The following MON2 variants were observed in gnomAD, a reference collection of about 807,000 sequenced individuals.
The protein encoded by MON2 is MON2 regulator of endosome-to-Golgi trafficking.
A neutral mutation model predicts 208.6 loss-of-function variants in MON2; 84 were observed. That is an observed-to-expected ratio of 0.40 (90% CI 0.34 to 0.48). MON2 has a LOEUF of 0.48. Among genes scored for constraint, MON2 ranks in the 20% least tolerant of loss-of-function variants. The pLI is 0.59. For synonymous variants in MON2, 660 were observed against 694.0 expected (o/e 0.95, Z 0.77); for missense variants, 1,611 against 2,015.4 (o/e 0.80, Z 3.84).
rs549854839 is a variant in MON2 at position 62,577,033 on chromosome 12, T to C, written c.4515-1412T>C. Among the ~76,000 whole-genome samples the C allele has an allele frequency of 8.5e-5, 13 of 152,096 alleles. No homozygotes were observed. The South Asian group carries it at 2.5e-3, about 29-fold the overall frequency. Reference sequence around the variant, plus strand: ...TATTTTATTATTTTTGCCTCTTCATTTTTTGTTGATCATCAACTCATCCTT... The same window carrying C: ...TATTTTATTATTTTTGCCTCTTCATCTTTTGTTGATCATCAACTCATCCTT... On this transcript the variant is annotated intron_variant, in intron 30 of 34. Coordinates refer to ENST00000393630, the MANE Select transcript of MON2 (RefSeq NM_015026.3).
chr12:62,588,749 G>T, intron 34 of MON2: 3 of 587,960 alleles, frequency 5.1e-6, no homozygotes, highest in Non-Finnish European at 8.5e-6. Flanking sequence ...CTCCATTCTA[G>T]TCACACTTTA....
rs770930882 is a variant in MON2 at position 62,598,724 on chromosome 12, G to C, written c.*5975G>C. ...TCTTTCTCCTTACAATTTTTATGTT[G>C]TTGAGATGTATCAGTTATGTATTAT... On this transcript the variant is annotated 3_prime_UTR_variant, in exon 35 of 35. Coordinates refer to ENST00000393630, the MANE Select transcript of MON2 (RefSeq NM_015026.3). The C allele has an allele frequency of 7.9e-5, 12 of 152,094 alleles. No homozygotes were observed. 9.4% of individuals were successfully genotyped at this position (152,094 alleles called of 1,614,324 possible).
At chr12:62,468,181 C>G (rs527309304) in intron 1 of MON2, among the ~76,000 whole-genome samples, 2 of 151,096 alleles carry the variant, frequency 1.3e-5, no homozygotes, top group Non-Finnish European at 2.9e-5. Context: ...ACAAAAAAAC[C>G]CACCAAAAAC....
chr12:62,588,687 A>G (rs1242806411), intron 34 of MON2, among the ~76,000 whole-genome samples: 3 of 152,158 alleles, frequency 2.0e-5, no homozygotes, highest in African/African-American at 4.8e-5. Flanking sequence ...AAGCAAAAAA[A>G]TATTTTTCAT....
At chr12:62,581,626 A>G (rs939174289) in intron 32 of MON2, among the ~76,000 whole-genome samples, 1 of 152,188 alleles carries the variant, frequency 6.6e-6, no homozygotes, top group African/African-American at 2.4e-5. Context: ...ACTTAAGGTC[A>G]GGAGTTCAAG....
intron 32 of MON2, 28 bp downstream of exon 32, chr12:62,580,448 A>C (rs2136454673): frequency 1.3e-6 from 2 of 1,542,542 alleles, no homozygotes. Flanking sequence ...AGTATTAAAA[A>C]GTATTGAAGT....
Position 62,596,186 on chromosome 12 carries a change from A to G in MON2, c.*3437A>G, listed in dbSNP as rs2075524462. The G allele has an allele frequency of 6.6e-6, 1 of 152,228 alleles. No homozygotes were observed. The highest frequency in any genetic ancestry group is 1.5e-5 in the Non-Finnish European group (1 of 68,040). The allele number at this position is 152,228 out of a possible 1,614,324, so 9.4% of individuals were successfully genotyped here. The stretch of plus-strand genomic sequence containing the variant: ...TGGAACAGTGTTAGAAAACAACTCA[A>G]AAGTATATTCTTTATTAATGAGGTG... On this transcript the variant is annotated 3_prime_UTR_variant, in exon 35 of 35. Coordinates refer to ENST00000393630, the MANE Select transcript of MON2 (RefSeq NM_015026.3).
chr12:62,565,453 G>A, intron 27 of MON2, 73 bp downstream of exon 27: 1 of 1,281,130 alleles, frequency 7.8e-7, no homozygotes, highest in African/African-American at 1.5e-5. Flanking sequence ...CACTTAAGAT[G>A]GACTTTGATT....
At chr12:62,539,170 A>G (rs1028076673) in intron 19 of MON2, among the ~76,000 whole-genome samples, 1 of 152,198 alleles carries the variant, frequency 6.6e-6, no homozygotes, top group Non-Finnish European at 1.5e-5. Context: ...CTATTTACAA[A>G]TAAGTGAAAA....
Position 62,560,836 on chromosome 12 carries a change from C to T in MON2, c.3755C>T (p.Ser1252Phe). 1 of 1,614,092 alleles carries T rather than the reference C, an allele frequency of 6.2e-7. No homozygotes were observed. Among genetic ancestry groups the T allele is most frequent in the Non-Finnish European group, 8.5e-7 (1 of 1,179,990 alleles). Reference sequence around the variant, plus strand: ...TGGAATACCTGGTATAGAATTGGATCTGAAAGTACTAAGCCTCCTATTACT... The same window carrying T: ...TGGAATACCTGGTATAGAATTGGATTTGAAAGTACTAAGCCTCCTATTACT... ...AAWNTWYRIGSESTKPPITFD... is the reference protein window; with the variant it reads ...AAWNTWYRIGFESTKPPITFD... The change falls in exon 26 of 35, where the codon TCT (serine) becomes TTT (phenylalanine). Residue 1252 changes from serine to phenylalanine, a missense_variant. Transcript: ENST00000393630.
chr12:62,466,879 G>A lies in MON2; in HGVS notation c.-329G>A. On this transcript the variant is annotated 5_prime_UTR_variant, in exon 1 of 35. Transcript: ENST00000393630. ...AGGGGCCTGGGGAGCTGGCGCTGAA[G>A]CTTCTTGCCAGGTTGGCTGGTGACA... is the stretch of plus-strand genomic sequence containing the variant. 2.2e-6 allele frequency: 1 copy of A among 460,538 alleles called. No homozygotes were observed. Among genetic ancestry groups the A allele is most frequent in the Non-Finnish European group, 3.8e-6 (1 of 259,998 alleles). 28.5% of individuals were successfully genotyped at this position (460,538 alleles called of 1,614,324 possible). A position where few individuals can be genotyped will look rare whatever the true frequency, so the allele number is the denominator to read the frequency against.
In MON2 at chr12:62,566,408, C is replaced by G. The variant is rs1314532828; in HGVS notation, c.4281C>G (p.His1427Gln). 6.2e-7 allele frequency: 1 copy of G among 1,613,578 alleles called. No homozygotes were observed. Among genetic ancestry groups the G allele is most frequent in the South Asian group, 1.1e-5 (1 of 91,048 alleles). The stretch of plus-strand genomic sequence containing the variant: ...ATTTATACCAAAAAACAGCGTGTCA[C>G]AAAGCAGTGGTGAATGAGAAAGTGC... ...VVDLYQKTACHKAVVNEKVLQ... is the reference protein window; with the variant it reads ...VVDLYQKTACQKAVVNEKVLQ... The change falls in exon 29 of 35, where the codon CAC becomes CAG. Residue 1427 changes from histidine (H) to glutamine (Q), a missense_variant. Coordinates refer to ENST00000393630, the MANE Select transcript of MON2 (RefSeq NM_015026.3).
intron 8 of MON2, among the ~76,000 whole-genome samples, chr12:62,519,885 G>C (rs2071920372): frequency 6.6e-6 from 1 of 152,196 alleles, no homozygotes; most frequent in African/African-American, 2.4e-5. Flanking sequence ...GCGTGATCTC[G>C]GCTCACTGTA....
intron 8 of MON2, among the ~76,000 whole-genome samples, chr12:62,513,164 C>A (rs1423461869): frequency 1.3e-5 from 2 of 152,206 alleles, no homozygotes; most frequent in Non-Finnish European, 2.9e-5. Flanking sequence ...ACATTCAGCT[C>A]CTTGTTACTT....
intron 6 of MON2, 113 bp downstream of exon 6, chr12:62,500,993 A>G: frequency 1.7e-6 from 1 of 595,148 alleles, no homozygotes; most frequent in East Asian, 3.1e-5. Context: ...AAAATATGTC[A>G]AAGGTAGTAT....
At chr12:62,534,665 T>C (rs1003852194) in intron 12 of MON2, among the ~76,000 whole-genome samples, 180 bp from the exon 13 acceptor site, 2 of 148,024 alleles carry the variant, frequency 1.4e-5, no homozygotes, top group African/African-American at 5.0e-5. Context: ...CCTGAAACTA[T>C]AGTACGGCTT....
chr12:62,585,130 A>AC (rs2075179359), intron 32 of MON2, among the ~76,000 whole-genome samples, 164 bp from the exon 33 acceptor site: 1 of 148,642 alleles, frequency 6.7e-6, no homozygotes, highest in African/African-American at 2.5e-5. Flanking sequence ...AAAAACAAAA[A>AC]AAAAACACAT....
intron 1 of MON2, chr12:62,470,658 G>A: frequency 1.1e-6 from 1 of 902,214 alleles, no homozygotes; most frequent in Non-Finnish European, 1.4e-6. Context: ...TTATGTTTAT[G>A]TATTTCATGA....
chr12:62,536,523 T>C (rs1013932370), intron 14 of MON2, among the ~76,000 whole-genome samples: 1 of 152,092 alleles, frequency 6.6e-6, no homozygotes, highest in Non-Finnish European at 1.5e-5. Context: ...CTCTCTAAAT[T>C]AAAAAACATA....
Sources: gnomAD v4.1 joint callset for allele counts (sites outside exome capture counted in the v4.1 genomes callset) on GRCh38, gnomAD v4.1.1 for gene constraint, MANE v1.5 for transcripts, NCBI Gene and HGNC (gene_info 2026-07-23, HGNC 2026-07-21) for gene names.